The following LIN7A variants were observed in gnomAD, a reference collection of about 807,000 sequenced individuals.
LIN7A encodes lin-7 cell polarity scaffold A.
LIN7A carries 25 observed loss-of-function variants against 29.8 expected under a neutral mutation model. The ratio of observed to expected loss-of-function variants is 0.84; its 90% CI spans 0.61 to 1.17. The LOEUF (loss-of-function observed/expected upper bound fraction) is 1.17. Ranked by LOEUF, LIN7A falls within the 50% of genes most tolerant of loss-of-function variation. LIN7A has a pLI of 0.00. For synonymous variants in LIN7A, 118 were observed against 107.5 expected (o/e 1.10, Z -0.60); for missense variants, 239 against 287.0 (o/e 0.83, Z 1.21).
intron 2 of LIN7A, among the ~76,000 whole-genome samples, chr12:80,875,519 C>T (rs1003225367): frequency 7.2e-5 from 11 of 152,172 alleles, no homozygotes; most frequent in African/African-American, 2.7e-4. Flanking sequence ...GAAAATTTGG[C>T]TCTAATTACA....
intron 1 of LIN7A, among the ~76,000 whole-genome samples, chr12:80,891,439 A>C (rs1875619708): frequency 6.6e-6 from 1 of 152,142 alleles, no homozygotes; most frequent in South Asian, 2.1e-4. Context: ...GGGCCATCCC[A>C]AATTTTTGCT....
At chr12:80,835,633 A>C (rs1872563815) in intron 4 of LIN7A, among the ~76,000 whole-genome samples, 3 of 152,180 alleles carry the variant, frequency 2.0e-5, no homozygotes, top group Admixed American at 2.0e-4. Context: ...GGTATTTAAA[A>C]GGTATCCAGC....
At chr12:80,836,167 C>T (rs933121836) in intron 4 of LIN7A, among the ~76,000 whole-genome samples, 8 of 152,190 alleles carry the variant, frequency 5.3e-5, no homozygotes, top group Non-Finnish European at 1.2e-4. Context: ...CATTGGTTGG[C>T]TCCCAATCAG....
rs1876523398 is a variant in LIN7A at position 80,907,088 on chromosome 12, T to TGG, written c.83-17720_83-17719insCC. ...GTGTGTGTGTGTGTGTGTGTGTGTG[T>TGG]GTGTGTGTGTTGAGGATTAAATAAG... On this transcript the variant is annotated intron_variant, in intron 1 of 5. Transcript: ENST00000552864. 2.0e-5 allele frequency among the ~76,000 whole-genome samples: 3 copies of TGG among 150,620 alleles called. 1 individual carries two copies. Among genetic ancestry groups the TGG allele is most frequent in the South Asian group, 4.2e-4 (2 of 4,782 alleles).
intron 5 of LIN7A, among the ~76,000 whole-genome samples, chr12:80,807,082 T>TTTTTTTTTTTTTTTTG (rs1555221398): frequency 7.4e-6 from 1 of 134,584 alleles, no homozygotes; most frequent in Non-Finnish European, 1.6e-5. Flanking sequence ...TTTTTTTTTT[T>TTTTTTTTTTTTTTTTG]TTTTTTTTTG....
At chr12:80,912,311 G>A (rs538554260) in intron 1 of LIN7A, among the ~76,000 whole-genome samples, 12 of 152,200 alleles carry the variant, frequency 7.9e-5, no homozygotes, top group Non-Finnish European at 1.5e-4. Flanking sequence ...TGGGGGTTGG[G>A]GGGGATATAT....
chr12:80,830,257 C>A (rs1872280378), intron 4 of LIN7A, among the ~76,000 whole-genome samples: 1 of 152,170 alleles, frequency 6.6e-6, no homozygotes, highest in African/African-American at 2.4e-5. Flanking sequence ...ACTACATGTT[C>A]AGGAACTGTG....
intron 1 of LIN7A, among the ~76,000 whole-genome samples, chr12:80,932,524 A>C (rs1485215536): frequency 6.6e-6 from 1 of 152,260 alleles, no homozygotes; most frequent in Non-Finnish European, 1.5e-5. Context: ...TTATGTAAGC[A>C]TTTAAATGCA....
chr12:80,883,939 T>G (rs2120606759), intron 2 of LIN7A, among the ~76,000 whole-genome samples: 1 of 152,262 alleles, frequency 6.6e-6, no homozygotes, highest in African/African-American at 2.4e-5. Flanking sequence ...TAATTCTCAC[T>G]GGGGACCAGG....
At chr12:80,877,746 TA>T (rs1185587098) in intron 2 of LIN7A, among the ~76,000 whole-genome samples, 3 of 152,280 alleles carry the variant, frequency 2.0e-5, no homozygotes, top group African/African-American at 7.2e-5. Flanking sequence ...CAAACTGGCT[TA>T]AAAATGTCTA....
chr12:80,844,910 A>G (rs1872988299), intron 4 of LIN7A, among the ~76,000 whole-genome samples: 1 of 152,180 alleles, frequency 6.6e-6, no homozygotes, highest in Non-Finnish European at 1.5e-5. Flanking sequence ...GAAGGCTAAT[A>G]TGTTTTTATT....
At chr12:80,889,080 G>A (rs1175945199) in intron 2 of LIN7A, among the ~76,000 whole-genome samples, 171 bp downstream of exon 2, 1 of 151,996 alleles carries the variant, frequency 6.6e-6, no homozygotes, top group African/African-American at 2.4e-5. Context: ...ATCCTGGCTG[G>A]ATCTAATTTA....
chr12:80,879,645 C>CAAAAAAAAAAAAA (rs530877505), intron 2 of LIN7A, among the ~76,000 whole-genome samples: 3 of 58,732 alleles, frequency 5.1e-5, no homozygotes, highest in African/African-American at 2.7e-4. Flanking sequence ...TGGAGCAGCC[C>CAAAAAAAAAAAAA]AAAAAAAAAA....
At chr12:80,892,805 T>TA (rs1875693797) in intron 1 of LIN7A, among the ~76,000 whole-genome samples, 1 of 152,174 alleles carries the variant, frequency 6.6e-6, no homozygotes, top group South Asian at 2.1e-4. Flanking sequence ...CAGGCGATGC[T>TA]AAAGTGCAGC....
At chr12:80,877,875 A>G (rs1197386168) in intron 2 of LIN7A, among the ~76,000 whole-genome samples, 1 of 152,126 alleles carries the variant, frequency 6.6e-6, no homozygotes, top group South Asian at 2.1e-4. Flanking sequence ...GAAGAAAAAA[A>G]AAAAAAACAG....
At chr12:80,932,830 C>T (rs1315808590) in intron 1 of LIN7A, among the ~76,000 whole-genome samples, 1 of 152,120 alleles carries the variant, frequency 6.6e-6, no homozygotes, top group Non-Finnish European at 1.5e-5. Flanking sequence ...CTTTAATATC[C>T]ACGTGTTAAG....
chr12:80,897,007 T>A (rs1466045094), intron 1 of LIN7A, among the ~76,000 whole-genome samples: 4 of 152,250 alleles, frequency 2.6e-5, no homozygotes, highest in Non-Finnish European at 5.9e-5. Context: ...TGCTGTTATG[T>A]GGTTAAAGTC....
At chr12:80,866,228 G>A (rs534792239) in intron 2 of LIN7A, among the ~76,000 whole-genome samples, 1 of 152,106 alleles carries the variant, frequency 6.6e-6, no homozygotes, top group Non-Finnish European at 1.5e-5. Context: ...ATATTTAATG[G>A]ATACAAAGCT....
intron 4 of LIN7A, among the ~76,000 whole-genome samples, chr12:80,820,919 T>A (rs1871772400): frequency 6.6e-6 from 1 of 152,114 alleles, no homozygotes. Context: ...AGCAAAGGCT[T>A]AGAAATGTAC....
Sources: gnomAD v4.1 joint callset for allele counts (sites outside exome capture counted in the v4.1 genomes callset) on GRCh38, gnomAD v4.1.1 for gene constraint, MANE v1.5 for transcripts, NCBI Gene and HGNC (gene_info 2026-07-23, HGNC 2026-07-21) for gene names.